Variants in BSN observed in about 807,000 individuals in gnomAD.
The protein encoded by BSN is bassoon presynaptic cytomatrix protein.
A neutral mutation model predicts 264.8 loss-of-function variants in BSN; 57 were observed. The ratio of observed to expected loss-of-function variants is 0.22; its 90% CI spans 0.17 to 0.27. BSN has a LOEUF of 0.27. Ranked by LOEUF, BSN falls within the 10% of genes least tolerant of loss-of-function variation. BSN has a pLI of 1.00. For synonymous variants in BSN, 2,059 were observed against 2,137.3 expected (o/e 0.96, Z 1.01); for missense variants, 4,615 against 5,232.5 (o/e 0.88, Z 3.64).
chr3:49,638,464 A>G lies in BSN; in HGVS notation c.634-3804A>G, dbSNP rs1289771980. On this transcript the variant is annotated intron_variant, in intron 2 of 11. Transcript: ENST00000296452. The surrounding 1 kb of genome is among the most constrained non-coding windows in gnomAD (Gnocchi z 4.3). ...ACTGCTGGGGATCTGTCGGGGAGGC[A>G]GAGAGGGGGATGTATTGCTGGCCTC... 2.6e-5 allele frequency among the ~76,000 whole-genome samples: 4 copies of G among 152,120 alleles called. No homozygotes were observed. Among genetic ancestry groups the G allele is most frequent in the Non-Finnish European group, 5.9e-5 (4 of 68,008 alleles).
At chr3:49,631,518 A>ACT (rs1442276047) in intron 2 of BSN, among the ~76,000 whole-genome samples, 1 of 151,068 alleles carries the variant, frequency 6.6e-6, no homozygotes, top group East Asian at 1.9e-4. Context: ...TGATCATGCC[A>ACT]CTGCCCTCCA....
At chr3:49,588,089 T>G (rs1315136427) in intron 1 of BSN, among the ~76,000 whole-genome samples, 1 of 151,650 alleles carries the variant, frequency 6.6e-6, no homozygotes, top group Non-Finnish European at 1.5e-5. Context: ...GCCCGGCTAA[T>G]TTTTGTATTT....
chr3:49,639,389 G>A (rs1384707246), intron 2 of BSN, among the ~76,000 whole-genome samples: 1 of 151,788 alleles, frequency 6.6e-6, no homozygotes, highest in Non-Finnish European at 1.5e-5. Context: ...TAGTAGAGAC[G>A]GGGTTTCACC....
At chr3:49,558,250 C>T (rs1477192259) in intron 1 of BSN, among the ~76,000 whole-genome samples, 1 of 152,234 alleles carries the variant, frequency 6.6e-6, no homozygotes, top group Non-Finnish European at 1.5e-5. Context: ...GTGGTCTACA[C>T]AGGCAGGGAC....
At chr3:49,631,588 T>G (rs1019335786) in intron 2 of BSN, among the ~76,000 whole-genome samples, 2 of 150,606 alleles carry the variant, frequency 1.3e-5, no homozygotes, top group Non-Finnish European at 2.9e-5. Flanking sequence ...TATTGGGGGC[T>G]TCTCCAAAGA....
chr3:49,631,170 C>T (rs140858690), intron 2 of BSN, among the ~76,000 whole-genome samples: 3 of 152,168 alleles, frequency 2.0e-5, no homozygotes, highest in East Asian at 3.9e-4. Context: ...GCACCACTGC[C>T]ACCAAGAACC....
At chr3:49,602,081 T>G (rs1221657891) in intron 1 of BSN, among the ~76,000 whole-genome samples, 1 of 152,216 alleles carries the variant, frequency 6.6e-6, no homozygotes, top group Non-Finnish European at 1.5e-5. Context: ...CTACTGTGTT[T>G]GGGTGAGTTG....
intron 1 of BSN, among the ~76,000 whole-genome samples, chr3:49,610,231 A>T (rs1028378999): frequency 6.6e-6 from 1 of 152,162 alleles, no homozygotes; most frequent in East Asian, 1.9e-4. Context: ...TATGTGATAG[A>T]TGGAGTTTTG....
intron 3 of BSN, among the ~76,000 whole-genome samples, chr3:49,645,439 C>T (rs2052497931): frequency 6.6e-6 from 1 of 152,178 alleles, no homozygotes; most frequent in African/African-American, 2.4e-5. Context: ...TCCTCTTTAA[C>T]CTCTGCACCT....
Position 49,661,539 on chromosome 3 carries a change from G to A in BSN, c.9694G>A (p.Val3232Ile), listed in dbSNP as rs751951689. The A allele has an allele frequency of 6.2e-6, 10 of 1,614,038 alleles. No individual in the cohort carries two copies. The highest frequency in any genetic ancestry group is 5.0e-5 in the Admixed American group (3 of 60,032). Residue 3232 changes from valine to isoleucine, a missense_variant, in exon 6 of 12, where the codon GTA becomes ATA. Transcript: ENST00000296452. ...GGAGCAGAACGTTCCTCGAAACTACGTAATGATTGATGACATCAGTGAACT... is the reference window on the plus strand; with the variant it reads ...GGAGCAGAACGTTCCTCGAAACTACATAATGATTGATGACATCAGTGAACT... ...SLEQNVPRNY[V>I]MIDDISELTK...
chr3:49,666,130 T>C (rs748492193), intron 11 of BSN, among the ~76,000 whole-genome samples: 38 of 152,240 alleles, frequency 2.5e-4, no homozygotes, highest in Non-Finnish European at 5.0e-4. Context: ...CTCTTCTCCC[T>C]CCTTGCCCCT....
At chr3:49,647,625 G>A (rs1415729732) in intron 3 of BSN, among the ~76,000 whole-genome samples, 1 of 152,182 alleles carries the variant, frequency 6.6e-6, no homozygotes, top group Non-Finnish European at 1.5e-5. Context: ...CTGAAATTGC[G>A]GAATGGAAAC....
Position 49,661,461 on chromosome 3 carries a change from G to A in BSN, c.9616G>A (p.Val3206Met), listed in dbSNP as rs903160277. 3.7e-6 allele frequency: 6 copies of A among 1,613,260 alleles called. No individual in the cohort carries two copies. In the African/African-American group the frequency reaches 4.0e-5, roughly 11 times the overall value. ...EVPRAGDRGSVSQSPAPTYPS... is the reference protein window; with the variant it reads ...EVPRAGDRGSMSQSPAPTYPS... ...GCCCCGGGCTGGTGACCGTGGCAGT[G>A]TGAGCCAGAGCCCAGCCCCCACCTA... The change falls in exon 6 of 12, where the codon GTG becomes ATG. Residue 3206 changes from valine (V) to methionine (M), a missense_variant. Val to Met is a conservative substitution (Grantham distance 21, BLOSUM62 1). This residue lies in a region of BSN where 3,415 missense variants were observed against 3,866.4 expected (regional missense o/e 0.88). Transcript: ENST00000296452.
intron 1 of BSN, among the ~76,000 whole-genome samples, chr3:49,608,199 A>G (rs761022026): frequency 6.6e-6 from 1 of 152,240 alleles, no homozygotes; most frequent in Non-Finnish European, 1.5e-5. Context: ...AAAGTGCCAC[A>G]GATAGGTATT....
In BSN at chr3:49,575,492, ATG is replaced by A. The variant is rs1283194001; in HGVS notation, c.224+20674_224+20675del. On this transcript the variant is annotated intron_variant, in intron 1 of 11. Coordinates refer to ENST00000296452, the MANE Select transcript of BSN (RefSeq NM_003458.4). ...TATATGTGTATATATGTAAATATAT[ATG>A]TGTGTGTATATATATGTAAATATAT... Among the ~76,000 whole-genome samples the A allele has an allele frequency of 3.1e-3, 460 of 147,412 alleles. 3 individuals are homozygous for A. Among genetic ancestry groups the A allele is most frequent in the African/African-American group, 0.011 (443 of 40,400 alleles).
rs558703106 is a variant in BSN at position 49,594,620 on chromosome 3, A to T, written c.225-30355A>T. On this transcript the variant is annotated intron_variant, in intron 1 of 11. Coordinates refer to ENST00000296452, the MANE Select transcript of BSN (RefSeq NM_003458.4). ...TAAATTGGGTAGAATAATTTCTCCC[A>T]CTTTATTCTTTTTTGAGAAGATTAT... Among the ~76,000 whole-genome samples the T allele has an allele frequency of 3.3e-4, 50 of 152,274 alleles. 1 individual carries two copies. Among genetic ancestry groups the T allele is most frequent in the Admixed American group, 2.2e-3 (34 of 15,288 alleles).
At chr3:49,644,655 C>A (rs545433052) in intron 3 of BSN, among the ~76,000 whole-genome samples, 34 of 152,304 alleles carry the variant, frequency 2.2e-4, no homozygotes, top group African/African-American at 7.9e-4. Flanking sequence ...GGCTGCTCTG[C>A]CCAGAGACCT....
chr3:49,599,087 T>C (rs1379110341), intron 1 of BSN, among the ~76,000 whole-genome samples: 1 of 152,196 alleles, frequency 6.6e-6, no homozygotes, highest in Non-Finnish European at 1.5e-5. Context: ...TGTGTAATTT[T>C]GCTTTTAAGC....
In BSN at chr3:49,654,203, G is replaced by A. The variant is rs2052572722; in HGVS notation, c.4647G>A (p.Glu1549=). 1.2e-6 allele frequency: 2 copies of A among 1,613,820 alleles called. No individual in the cohort carries two copies. The highest frequency in any genetic ancestry group is 1.3e-5 in the African/African-American group (1 of 74,918). Residue 1549 remains glutamate, a synonymous_variant, in exon 5 of 12, where the codon GAG becomes GAA. Coordinates refer to ENST00000296452, the MANE Select transcript of BSN (RefSeq NM_003458.4). This position sits in a 1 kb window ranked among gnomAD's most constrained non-coding sequence, Gnocchi z 4.1. ...RPSTPRLVWQ[E]SSQEAPFMVI... ...GCACGCCTCGCCTGGTGTGGCAGGA[G>A]TCCTCTCAAGAGGCTCCCTTTATGG...
Sources: allele counts gnomAD v4.1 joint callset (sites outside exome capture counted in the v4.1 genomes callset), GRCh38; gene constraint gnomAD v4.1.1; regional missense constraint gnomAD v4.1.1; non-coding constraint Gnocchi (gnomAD v3.1); transcripts MANE v1.5; gene names NCBI Gene and HGNC (gene_info 2026-07-23, HGNC 2026-07-21).